GPR61: variants seen among roughly 807,000 people sequenced by gnomAD.
GPR61 encodes G-protein coupled receptor 61.
A neutral mutation model predicts 29.2 loss-of-function variants in GPR61; 15 were observed. That is an observed-to-expected ratio of 0.51 (90% CI 0.34 to 0.79). The LOEUF is 0.79. Ranked by LOEUF, GPR61 falls within the 30% of genes least tolerant of loss-of-function variation. GPR61 has a pLI of 0.01. For missense variants in GPR61, 399 were observed against 582.5 expected (o/e 0.69, Z 3.24); for synonymous variants, 238 against 242.3 (o/e 0.98, Z 0.17).
Position 109,542,485 on chromosome 1 carries a change from C to A in GPR61, c.-538C>A, listed in dbSNP as rs1647667388. 1.2e-5 allele frequency: 4 copies of A among 329,454 alleles called. No homozygotes were observed. The highest frequency in any genetic ancestry group is 9.5e-5 in the South Asian group (4 of 42,306). The allele number at this position is 329,454 out of a possible 1,614,324, so 20.4% of individuals were successfully genotyped here. A position where few individuals can be genotyped will look rare whatever the true frequency, so the allele number is the denominator to read the frequency against. On this transcript the variant is annotated 5_prime_UTR_variant, in exon 2 of 2. Coordinates refer to ENST00000527748, the MANE Select transcript of GPR61 (RefSeq NM_001393907.1). ...GAGTTAGTAATGCCCAGAACTGGGA[C>A]TAGAAACTAAATTTTGTGCTCCTTC...
chr1:109,542,875 C>T lies in GPR61; in HGVS notation c.-148C>T, dbSNP rs1189516141. 8.8e-7 allele frequency: 1 copy of T among 1,134,060 alleles called. No individual in the cohort carries two copies. The highest frequency in any genetic ancestry group is 1.3e-6 in the Non-Finnish European group (1 of 773,928). 70.2% of individuals were successfully genotyped at this position (1,134,060 alleles called of 1,614,324 possible). A position where few individuals can be genotyped will look rare whatever the true frequency, so the allele number is the denominator to read the frequency against. On this transcript the variant is annotated 5_prime_UTR_variant, in exon 2 of 2. Transcript: ENST00000527748. The stretch of plus-strand genomic sequence containing the variant: ...GCTGCCTGGCCTGGCGCTCTGTACG[C>T]AGACAAACCTGCCCAAGAGGCTCCA...
At chr1:109,542,058 C>T (rs1252550568) in intron 1 of GPR61, among the ~76,000 whole-genome samples, 1 of 152,182 alleles carries the variant, frequency 6.6e-6, no homozygotes, top group Non-Finnish European at 1.5e-5. Flanking sequence ...TATAGTCCAG[C>T]CGGCACGGAG....
rs1240706213 is a variant in GPR61, at chr1:109,543,682, C to T, written c.660C>T (p.Pro220=). Residue 220 remains proline (P), a synonymous_variant, in exon 2 of 2, where the codon CCC becomes CCT. Transcript: ENST00000527748. The surrounding 1 kb of genome is among the most constrained non-coding windows in gnomAD (Gnocchi z 6.8). ...VVFAVLYFLL[P]LLLILVVYCS... The stretch of plus-strand genomic sequence containing the variant: ...TTGCTGTCCTTTACTTTCTGTTGCC[C>T]CTGCTCCTCATACTTGTGGTCTACT... 1 of 1,613,870 alleles carries T rather than the reference C, an allele frequency of 6.2e-7. No homozygotes were observed. Among genetic ancestry groups the T allele is most frequent in the Non-Finnish European group, 8.5e-7 (1 of 1,180,026 alleles).
Position 109,543,325 on chromosome 1 carries a change from C to T in GPR61, c.303C>T (p.Ser101=), listed in dbSNP as rs367547820. Residue 101 remains serine, a synonymous_variant, in exon 2 of 2, where the codon AGC becomes AGT. Transcript: ENST00000527748. The surrounding 1 kb of genome is among the most constrained non-coding windows in gnomAD (Gnocchi z 6.8). ...LTLMPLAMLS[S]SALFDHALFG... is the part of the protein sequence containing the mutation. ...TCATGCCCCTGGCCATGCTCTCCAG[C>T]TCTGCCCTCTTTGACCACGCCCTCT... 6.1e-5 allele frequency: 99 copies of T among 1,613,800 alleles called. No homozygotes were observed. The highest frequency in any genetic ancestry group is 7.2e-5 in the Non-Finnish European group (85 of 1,180,012).
chr1:109,542,883 C>T lies in GPR61; in HGVS notation c.-140C>T. 1 of 1,231,112 alleles carries T rather than the reference C, an allele frequency of 8.1e-7. No homozygotes were observed. The highest frequency in any genetic ancestry group is 1.3e-5 in the South Asian group (1 of 77,146). 76.3% of individuals were successfully genotyped at this position (1,231,112 alleles called of 1,614,324 possible). ...GCCTGGCGCTCTGTACGCAGACAAA[C>T]CTGCCCAAGAGGCTCCAGTGGGAGG... On this transcript the variant is annotated 5_prime_UTR_variant, in exon 2 of 2. Coordinates refer to ENST00000527748, the MANE Select transcript of GPR61 (RefSeq NM_001393907.1).
In GPR61 at chr1:109,544,521, A is replaced by G; in HGVS notation, c.*143A>G. On this transcript the variant is annotated 3_prime_UTR_variant, in exon 2 of 2. Transcript: ENST00000527748. This position sits in a 1 kb window ranked among gnomAD's most constrained non-coding sequence, Gnocchi z 4.6. ...GCTTTTGCTTAGTGTTTCCTGGGTCAGGAACAGAGCCAACAGGATGAACGT... is the reference window on the plus strand; with the variant it reads ...GCTTTTGCTTAGTGTTTCCTGGGTCGGGAACAGAGCCAACAGGATGAACGT... The G allele has an allele frequency of 1.5e-6, 1 of 647,804 alleles. No individual in the cohort carries two copies. The highest frequency in any genetic ancestry group is 2.7e-6 in the Non-Finnish European group (1 of 366,786). The allele number at this position is 647,804 out of a possible 1,614,324, so 40.1% of individuals were successfully genotyped here.
Position 109,544,421 on chromosome 1 carries a change from T to C in GPR61, c.*43T>C, listed in dbSNP as rs1647738512. ...GGAGGGATATGGGGCTGGGGCCAGT[T>C]ATGATTGCAAGGACCACCTTGTGGG... On this transcript the variant is annotated 3_prime_UTR_variant, in exon 2 of 2. Coordinates refer to ENST00000527748, the MANE Select transcript of GPR61 (RefSeq NM_001393907.1). The surrounding 1 kb of genome is among the most constrained non-coding windows in gnomAD (Gnocchi z 4.6). 6.9e-7 allele frequency: 1 copy of C among 1,455,928 alleles called. No homozygotes were observed. The allele number at this position is 1,455,928 out of a possible 1,614,324, so 90.2% of individuals were successfully genotyped here. A position where few individuals can be genotyped will look rare whatever the true frequency, so the allele number is the denominator to read the frequency against.
Position 109,542,472 on chromosome 1 carries a change from C to A in GPR61, c.-551C>A. On this transcript the variant is annotated 5_prime_UTR_variant, in exon 2 of 2. Transcript: ENST00000527748. Reference sequence around the variant, plus strand: ...CAGAAGATTCACAGAGTTAGTAATGCCCAGAACTGGGACTAGAAACTAAAT... The same window carrying A: ...CAGAAGATTCACAGAGTTAGTAATGACCAGAACTGGGACTAGAAACTAAAT... 1 of 321,174 alleles carries A rather than the reference C, an allele frequency of 3.1e-6. No individual in the cohort carries two copies. The highest frequency in any genetic ancestry group is 6.3e-6 in the Non-Finnish European group (1 of 157,754). 19.9% of individuals were successfully genotyped at this position (321,174 alleles called of 1,614,324 possible).
At position 109,544,567 on chromosome 1, in the gene GPR61, G is replaced by T. The variant is rs930659919; in HGVS notation, c.*189G>T. ...AACGTGTGCAAAAGCCTTGGACTTG[G>T]CTGTGATCTTTGACTGCTAGGGGAG... On this transcript the variant is annotated 3_prime_UTR_variant, in exon 2 of 2. Coordinates refer to ENST00000527748, the MANE Select transcript of GPR61 (RefSeq NM_001393907.1). This position sits in a 1 kb window ranked among gnomAD's most constrained non-coding sequence, Gnocchi z 4.6. 1.8e-5 allele frequency: 10 copies of T among 569,934 alleles called. No individual in the cohort carries two copies. In the African/African-American group the frequency reaches 1.9e-4, roughly 11 times the overall value. 35.3% of individuals were successfully genotyped at this position (569,934 alleles called of 1,614,324 possible).
intron 1 of GPR61, among the ~76,000 whole-genome samples, chr1:109,540,559 G>GTA (rs1487745998): frequency 6.6e-6 from 1 of 152,230 alleles, no homozygotes; most frequent in Non-Finnish European, 1.5e-5. Flanking sequence ...AGCCTTCTAG[G>GTA]TACTGAAGGT....
chr1:109,545,692 G>A lies in GPR61; in HGVS notation c.*1314G>A, dbSNP rs1302121447. 1.3e-5 allele frequency: 2 copies of A among 152,182 alleles called. No individual in the cohort carries two copies. The highest frequency in any genetic ancestry group is 2.9e-5 in the Non-Finnish European group (2 of 68,034). 9.4% of individuals were successfully genotyped at this position (152,182 alleles called of 1,614,324 possible). ...CTCAATTGAATCAGGTAACACTAACGGATCAAGGCAGGGCCAGAGGGTGGT... is the reference window on the plus strand; with the variant it reads ...CTCAATTGAATCAGGTAACACTAACAGATCAAGGCAGGGCCAGAGGGTGGT... On this transcript the variant is annotated 3_prime_UTR_variant, in exon 2 of 2. Coordinates refer to ENST00000527748, the MANE Select transcript of GPR61 (RefSeq NM_001393907.1).
rs1407453756 is a variant in GPR61, at chr1:109,545,511, G to A, written c.*1133G>A. On this transcript the variant is annotated 3_prime_UTR_variant, in exon 2 of 2. Transcript: ENST00000527748. Reference sequence around the variant, plus strand: ...ATCTCTCTCCTATCTGCAGCACTGGGTTGGAGAGAGGGCACGGGAGTTGGT... The same window carrying A: ...ATCTCTCTCCTATCTGCAGCACTGGATTGGAGAGAGGGCACGGGAGTTGGT... The A allele has an allele frequency of 6.6e-6, 1 of 152,232 alleles. No individual in the cohort carries two copies. The highest frequency in any genetic ancestry group is 1.5e-5 in the Non-Finnish European group (1 of 68,054). 9.4% of individuals were successfully genotyped at this position (152,232 alleles called of 1,614,324 possible). A position where few individuals can be genotyped will look rare whatever the true frequency, so the allele number is the denominator to read the frequency against.
In GPR61 at chr1:109,543,999, T is replaced by C. The variant is rs1321431410; in HGVS notation, c.977T>C (p.Val326Ala). Residue 326 changes from valine to alanine, a missense_variant, in exon 2 of 2, where the codon GTC becomes GCC. By Grantham distance (64) the Val-to-Ala change is moderately conservative. Around this residue, in one of 3 missense-constraint regions of GPR61, gnomAD observed 320 missense variants for 459.8 expected, o/e 0.70. Transcript: ENST00000527748. The surrounding 1 kb of genome is among the most constrained non-coding windows in gnomAD (Gnocchi z 6.8). The part of the protein sequence containing the change: ...PISTGQVESV[V>A]TWIGYFCFTS... ...TCAACTGGGCAGGTGGAGAGTGTGG[T>C]CACCTGGATTGGCTACTTTTGCTTC... 6.2e-7 allele frequency: 1 copy of C among 1,614,232 alleles called. No individual in the cohort carries two copies. Among genetic ancestry groups the C allele is most frequent in the Non-Finnish European group, 8.5e-7 (1 of 1,180,028 alleles).
rs1265029107 is a variant in GPR61 at position 109,545,372 on chromosome 1, G to C, written c.*994G>C. The C allele has an allele frequency of 2.6e-5, 4 of 152,104 alleles. No individual in the cohort carries two copies. The highest frequency in any genetic ancestry group is 6.5e-5 in the Admixed American group (1 of 15,270). The allele number at this position is 152,104 out of a possible 1,614,324, so 9.4% of individuals were successfully genotyped here. ...CCCACCTCCAGTCCCCTGGACAATC[G>C]GGTACAAGAGACTTAAGGTTGGGCA... On this transcript the variant is annotated 3_prime_UTR_variant, in exon 2 of 2. Transcript: ENST00000527748.
At chr1:109,542,143 A>G (rs1647660775) in intron 1 of GPR61, among the ~76,000 whole-genome samples, 1 of 152,240 alleles carries the variant, frequency 6.6e-6, no homozygotes, top group African/African-American at 2.4e-5. Flanking sequence ...GTAGGTGCCC[A>G]GCCCTTGCCG....
rs1647679821 is a variant in GPR61 at position 109,543,013 on chromosome 1, T to C, written c.-10T>C. 6.5e-7 allele frequency: 1 copy of C among 1,546,164 alleles called. No homozygotes were observed. Among genetic ancestry groups the C allele is most frequent in the Non-Finnish European group, 8.7e-7 (1 of 1,144,962 alleles). Reference sequence around the variant, plus strand: ...GACAGGAGGTACCCTGGGTGCCCTCTTTCGGCCCCATGGAGTCCTCACCCA... The same window carrying C: ...GACAGGAGGTACCCTGGGTGCCCTCCTTCGGCCCCATGGAGTCCTCACCCA... On this transcript the variant is annotated 5_prime_UTR_variant, in exon 2 of 2. Transcript: ENST00000527748. The surrounding 1 kb of genome is among the most constrained non-coding windows in gnomAD (Gnocchi z 6.8).
chr1:109,542,844 C>T lies in GPR61; in HGVS notation c.-179C>T, dbSNP rs904998374. Reference sequence around the variant, plus strand: ...GCCAGAAAGGGGATGAGCTTCTGATCCTTCAGCTGCCTGGCCTGGCGCTCT... The same window carrying T: ...GCCAGAAAGGGGATGAGCTTCTGATTCTTCAGCTGCCTGGCCTGGCGCTCT... On this transcript the variant is annotated 5_prime_UTR_variant, in exon 2 of 2. Transcript: ENST00000527748. 15 of 843,164 alleles carry T rather than the reference C, an allele frequency of 1.8e-5. No homozygotes were observed. The highest frequency in any genetic ancestry group is 2.7e-5 in the Non-Finnish European group (14 of 513,084). 52.2% of individuals were successfully genotyped at this position (843,164 alleles called of 1,614,324 possible).
Position 109,543,580 on chromosome 1 carries a change from A to G in GPR61, c.558A>G (p.Glu186=). 6 of 1,614,020 alleles carry G rather than the reference A, an allele frequency of 3.7e-6. No individual in the cohort carries two copies. The highest frequency in any genetic ancestry group is 5.1e-6 in the Non-Finnish European group (6 of 1,179,974). The part of the protein sequence containing the change: ...VPVLGRVSWE[E]GAPSVPPGCS... ...TGTTGGGAAGGGTCTCCTGGGAGGA[A>G]GGAGCTCCCAGTGTCCCCCCAGGCT... The change falls in exon 2 of 2, where the codon GAA becomes GAG. Residue 186 remains glutamate (E), a synonymous_variant. Transcript: ENST00000527748. The surrounding 1 kb of genome is among the most constrained non-coding windows in gnomAD (Gnocchi z 6.8).
intron 1 of GPR61, among the ~76,000 whole-genome samples, chr1:109,541,233 T>C (rs1167265469): frequency 6.6e-6 from 1 of 152,192 alleles, no homozygotes; most frequent in African/African-American, 2.4e-5. Flanking sequence ...TCTGTGTCCC[T>C]AGAGAGAGGC....
Sources: allele counts gnomAD v4.1 joint callset (sites outside exome capture counted in the v4.1 genomes callset), GRCh38; gene constraint gnomAD v4.1.1; regional missense constraint gnomAD v4.1.1; non-coding constraint Gnocchi (gnomAD v3.1); transcripts MANE v1.5; gene names NCBI Gene and HGNC (gene_info 2026-07-23, HGNC 2026-07-21).